Variants in SLC4A5 observed in about 807,000 individuals in gnomAD.
The protein encoded by SLC4A5 is electrogenic sodium bicarbonate cotransporter 4.
SLC4A5 carries 96 observed loss-of-function variants against 120.4 expected under a neutral mutation model. The observed-to-expected ratio is 0.80, with a 90% CI of 0.68 to 0.94. The LOEUF (loss-of-function observed/expected upper bound fraction) is 0.94, where lower values mean the gene tolerates loss of function less well. Among genes scored for constraint, SLC4A5 ranks in the 40% least tolerant of loss-of-function variants. The pLI, the probability that SLC4A5 is intolerant of heterozygous loss-of-function variation, is 0.00. For synonymous variants in SLC4A5, 550 were observed against 571.1 expected, an observed-to-expected ratio of 0.96 and a Z score of 0.53; for missense variants, 1,259 against 1,459.5, an observed-to-expected ratio of 0.86 and a Z score of 2.24.
intron 7 of SLC4A5, among the ~76,000 whole-genome samples, chr2:74,291,169 C>T (rs1672155034): frequency 6.6e-6 from 1 of 152,230 alleles, no homozygotes; most frequent in African/African-American, 2.4e-5. Flanking sequence ...ACCTCTCAGG[C>T]AAAGTGCCAA....
At chr2:74,273,326 T>TA (rs1038156826) in intron 8 of SLC4A5, among the ~76,000 whole-genome samples, 1 of 152,230 alleles carries the variant, frequency 6.6e-6, no homozygotes, top group African/African-American at 2.4e-5. Flanking sequence ...CATTCTAATT[T>TA]AAAAAATGTA....
intron 7 of SLC4A5, among the ~76,000 whole-genome samples, chr2:74,303,261 G>A (rs1397276281): frequency 5.3e-5 from 8 of 152,138 alleles, no homozygotes; most frequent in Non-Finnish European, 1.2e-4. Context: ...TAATGCCAAT[G>A]ATGGGGGTTG....
At position 74,255,752 on chromosome 2, in the gene SLC4A5, G is replaced by A. The variant is rs768020274; in HGVS notation, c.1025+23C>T. ...GACTGGCTACCTGAGAGTGGCGTGG[G>A]GACAGGTTTCAATGGCTCTCACCTG... On this transcript the variant is annotated intron_variant, in intron 13 of 30. Transcript: ENST00000394019. The surrounding 1 kb of genome is among the most constrained non-coding windows in gnomAD (Gnocchi z 4.0). 4.3e-6 allele frequency: 7 copies of A among 1,613,148 alleles called. No individual in the cohort carries two copies. The highest frequency in any genetic ancestry group is 5.9e-6 in the Non-Finnish European group (7 of 1,179,264).
chr2:74,247,472 T>C (rs1383565746), intron 18 of SLC4A5, among the ~76,000 whole-genome samples, 165 bp from the exon 19 acceptor site: 1 of 152,032 alleles, frequency 6.6e-6, no homozygotes, highest in Non-Finnish European at 1.5e-5. Flanking sequence ...CAGAGTTGTC[T>C]GATCTTTGAG....
At chr2:74,284,302 G>A (rs1239666966) in intron 8 of SLC4A5, among the ~76,000 whole-genome samples, 5 of 112,482 alleles carry the variant, frequency 4.4e-5, no homozygotes, top group African/African-American at 2.7e-4. Flanking sequence ...TCAGCCTCCC[G>A]AGTAGCTGGG....
intron 2 of SLC4A5, among the ~76,000 whole-genome samples, chr2:74,341,079 T>C (rs1573120222): frequency 1.3e-5 from 2 of 151,958 alleles, no homozygotes; most frequent in Non-Finnish European, 2.9e-5. Context: ...CCGAGGTGGG[T>C]GGATCGCCTG....
At chr2:74,309,606 G>A in intron 6 of SLC4A5, among the ~76,000 whole-genome samples, 1 of 151,850 alleles carries the variant, frequency 6.6e-6, no homozygotes, top group Non-Finnish European at 1.5e-5. Flanking sequence ...TATAGATCAA[G>A]TTGGGGAGAA....
chr2:74,247,011 C>A (rs766486268), intron 19 of SLC4A5, 25 bp downstream of exon 19: 23 of 1,609,336 alleles, frequency 1.4e-5, no homozygotes, highest in South Asian at 2.2e-5. Context: ...TGAGGGCCCA[C>A]GGCATGTCTG....
At chr2:74,291,793 G>C (rs906508879) in intron 7 of SLC4A5, among the ~76,000 whole-genome samples, 2 of 152,198 alleles carry the variant, frequency 1.3e-5, no homozygotes, top group Admixed American at 6.5e-5. Context: ...TTTTAAAGCT[G>C]AGAAAACAGA....
At chr2:74,335,221 T>C (rs1458142395) in intron 3 of SLC4A5, among the ~76,000 whole-genome samples, 4 of 152,318 alleles carry the variant, frequency 2.6e-5, no homozygotes, top group Non-Finnish European at 5.9e-5. Context: ...TGATGAAGAA[T>C]GAGACATTGC....
intron 19 of SLC4A5, 39 bp downstream of exon 19, chr2:74,246,997 T>C: frequency 1.2e-6 from 2 of 1,603,842 alleles, no homozygotes; most frequent in Non-Finnish European, 1.7e-6. Flanking sequence ...GCCGGTGGGG[T>C]AGGTGAGGGC....
At chr2:74,341,871 G>A (rs971689762) in intron 2 of SLC4A5, among the ~76,000 whole-genome samples, 9 of 152,136 alleles carry the variant, frequency 5.9e-5, no homozygotes, top group African/African-American at 2.2e-4. Context: ...CACAAAAGGG[G>A]GACTCCGCCC....
intron 20 of SLC4A5, among the ~76,000 whole-genome samples, chr2:74,240,769 C>A (rs1452897642): frequency 1.2e-4 from 17 of 142,308 alleles, no homozygotes; most frequent in South Asian, 2.3e-4. Flanking sequence ...GACCCCATCT[C>A]AAAAAAAAAA....
chr2:74,284,162 C>CTA, intron 8 of SLC4A5, among the ~76,000 whole-genome samples: 1 of 81,088 alleles, frequency 1.2e-5, no homozygotes, highest in African/African-American at 7.6e-5. Context: ...TTCCTTATTT[C>CTA]TTTTTTTTTT....
At chr2:74,269,229 G>C (rs186445661) in intron 8 of SLC4A5, among the ~76,000 whole-genome samples, 7 of 151,464 alleles carry the variant, frequency 4.6e-5, no homozygotes, top group Admixed American at 1.3e-4. Flanking sequence ...TTTTTGAGAC[G>C]GAGTTTCACT....
chr2:74,248,584 A>G (rs1670693370), intron 17 of SLC4A5, 98 bp from the exon 18 acceptor site: 2 of 1,425,336 alleles, frequency 1.4e-6, no homozygotes, highest in Admixed American at 2.1e-5. Context: ...CCCAGGCCAC[A>G]GTGTTTATCC....
At chr2:74,256,927 G>A (rs1294862236) in intron 12 of SLC4A5, among the ~76,000 whole-genome samples, 1 of 152,150 alleles carries the variant, frequency 6.6e-6, no homozygotes, top group African/African-American at 2.4e-5. Flanking sequence ...TGGGGGTAGA[G>A]GACAGCTCTG....
chr2:74,246,987 G>A (rs1467808944), intron 19 of SLC4A5, 49 bp downstream of exon 19: 9 of 1,595,904 alleles, frequency 5.6e-6, no homozygotes, highest in Non-Finnish European at 6.8e-6. Context: ...GGATCAGGGG[G>A]CCGGTGGGGT....
chr2:74,280,423 G>A (rs1025302372), intron 8 of SLC4A5, among the ~76,000 whole-genome samples: 9 of 152,228 alleles, frequency 5.9e-5, no homozygotes, highest in Non-Finnish European at 1.2e-4. Flanking sequence ...GAGCCCAAGA[G>A]AGCAGGGGCA....
Sources: gnomAD v4.1 joint callset for allele counts (sites outside exome capture counted in the v4.1 genomes callset) on GRCh38, gnomAD v4.1.1 for gene constraint, Gnocchi (gnomAD v3.1) non-coding constraint, MANE v1.5 for transcripts, NCBI Gene and HGNC (gene_info 2026-07-23, HGNC 2026-07-21) for gene names.